Variants in TMEM132B observed in about 807,000 individuals in gnomAD.
TMEM132B encodes transmembrane protein 132B.
TMEM132B carries 18 observed loss-of-function variants against 90.8 expected under a neutral mutation model. That is an observed-to-expected ratio of 0.20 (90% CI 0.14 to 0.29). The LOEUF (loss-of-function observed/expected upper bound fraction) is 0.29. Among genes scored for constraint, TMEM132B ranks in the 10% least tolerant of loss-of-function variants. The probability of loss-of-function intolerance (pLI) is 1.00; values close to 1 mark genes in which losing one functional copy is unlikely to be tolerated. For synonymous variants in TMEM132B, 504 were observed against 523.3 expected (o/e 0.96, Z 0.50); for missense variants, 1,096 against 1,326.8 (o/e 0.83, Z 2.70).
intron 2 of TMEM132B, among the ~76,000 whole-genome samples, chr12:125,362,914 A>G (rs1156254177): frequency 6.6e-6 from 1 of 152,184 alleles, no homozygotes; most frequent in Non-Finnish European, 1.5e-5. Context: ...CCTAAAGAGC[A>G]CTTTCTCATG....
chr12:125,228,944 ATCT>A lies in TMEM132B; in HGVS notation c.67+42086_67+42088del, dbSNP rs145865806. ...TAAGAGAGGAGTGTAGGAGGAGAAA[ATCT>A]TCTTCTTTTCCCATCTTTCCTGCCT... On this transcript the variant is annotated intron_variant, in intron 1 of 8. Transcript: ENST00000682704. Among the ~76,000 whole-genome samples, 405 of 152,140 alleles carry A rather than the reference ATCT, an allele frequency of 2.7e-3. 3 individuals are homozygous for A. Among genetic ancestry groups the A allele is most frequent in the African/African-American group, 8.5e-3 (351 of 41,506 alleles).
intron 1 of TMEM132B, among the ~76,000 whole-genome samples, chr12:125,291,748 G>A (rs571082036): frequency 1.8e-4 from 27 of 152,098 alleles, no homozygotes; most frequent in Non-Finnish European, 3.4e-4. Context: ...GGAACCATGA[G>A]ACATATTTGC....
chr12:125,414,983 C>T (rs112132513), intron 2 of TMEM132B, among the ~76,000 whole-genome samples: 2,801 of 152,216 alleles, frequency 0.018, 90 homozygotes, highest in African/African-American at 0.063. Context: ...AACATTGTAC[C>T]AGGCAGCATC....
intron 1 of TMEM132B, among the ~76,000 whole-genome samples, chr12:125,344,660 A>C (rs1203015927): frequency 2.0e-5 from 3 of 152,106 alleles, no homozygotes; most frequent in African/African-American, 4.8e-5. Context: ...ACACACGTGG[A>C]AGGAGAGAGC....
Position 125,270,163 on chromosome 12 carries a change from G to A in TMEM132B, c.68-79289G>A, listed in dbSNP as rs570786471. Among the ~76,000 whole-genome samples the A allele has an allele frequency of 1.4e-4, 18 of 128,370 alleles. No individual in the cohort carries two copies. In the East Asian group the frequency reaches 3.7e-3, roughly 26 times the overall value. 84.2% of individuals were successfully genotyped at this position (128,370 alleles called of 152,430 possible). On this transcript the variant is annotated intron_variant, in intron 1 of 8. Coordinates refer to ENST00000682704, the MANE Select transcript of TMEM132B (RefSeq NM_001366854.1). Reference sequence around the variant, plus strand: ...GTGTGTGTGTGTTTTAAGAGACGAGGTCTTGCTCTGTAACCCAGACTGGAG... The same window carrying A: ...GTGTGTGTGTGTTTTAAGAGACGAGATCTTGCTCTGTAACCCAGACTGGAG...
chr12:125,487,681 A>C (rs1342917991), intron 3 of TMEM132B, among the ~76,000 whole-genome samples: 9 of 152,234 alleles, frequency 5.9e-5, no homozygotes, highest in Non-Finnish European at 1.3e-4. Context: ...CATGGCTTTA[A>C]GAGAGGCTTG....
chr12:125,365,740 AATTAT>A (rs1303828726), intron 2 of TMEM132B, among the ~76,000 whole-genome samples: 3 of 152,112 alleles, frequency 2.0e-5, no homozygotes, highest in East Asian at 3.9e-4. Flanking sequence ...TTGATTTAAA[AATTAT>A]ATTATAGTTG....
At chr12:125,188,770 A>C (rs1957776217) in intron 1 of TMEM132B, among the ~76,000 whole-genome samples, 1 of 146,940 alleles carries the variant, frequency 6.8e-6, no homozygotes. Context: ...AAGCACATGC[A>C]AGTCTTTAAC....
intron 1 of TMEM132B, among the ~76,000 whole-genome samples, chr12:125,340,185 T>C (rs1593093288): frequency 6.6e-6 from 1 of 152,028 alleles, no homozygotes; most frequent in Non-Finnish European, 1.5e-5. Flanking sequence ...ATACCAGAAA[T>C]GAATGAAAAG....
At chr12:125,310,732 C>A (rs1044698707) in intron 1 of TMEM132B, among the ~76,000 whole-genome samples, 1 of 152,156 alleles carries the variant, frequency 6.6e-6, no homozygotes, top group Non-Finnish European at 1.5e-5. Context: ...GACCTCCCCC[C>A]CAACAACACC....
chr12:125,368,890 A>G (rs1212651141), intron 2 of TMEM132B, among the ~76,000 whole-genome samples: 1 of 152,168 alleles, frequency 6.6e-6, no homozygotes, highest in African/African-American at 2.4e-5. Context: ...TTTAAATTAT[A>G]CTTTAAGTTC....
chr12:125,294,360 G>A (rs1875615983), intron 1 of TMEM132B, among the ~76,000 whole-genome samples: 1 of 152,242 alleles, frequency 6.6e-6, no homozygotes, highest in Non-Finnish European at 1.5e-5. Flanking sequence ...AGTTACTCAT[G>A]CACTGTTGGA....
Position 125,519,544 on chromosome 12 carries a change from T to C in TMEM132B, c.1212T>C (p.Ile404=), listed in dbSNP as rs1450542038. The change falls in exon 4 of 9, where the codon ATT becomes ATC. Residue 404 remains isoleucine, a synonymous_variant. Transcript: ENST00000682704. ...TTACCTGGCAGGTGGAGTACCCGAT[T>C]GAGGACTCCATGAGTGAGCTGGTCG... is the stretch of plus-strand genomic sequence containing the variant. ...QQITWQVEYP[I]EDSMSELVVS... The C allele has an allele frequency of 1.2e-6, 2 of 1,614,088 alleles. No individual in the cohort carries two copies. Among genetic ancestry groups the C allele is most frequent in the East Asian group, 4.5e-5 (2 of 44,862 alleles).
At chr12:125,391,051 G>T (rs922508096) in intron 2 of TMEM132B, among the ~76,000 whole-genome samples, 2 of 151,096 alleles carry the variant, frequency 1.3e-5, no homozygotes, top group African/African-American at 4.9e-5. Context: ...GTGTGTGTGT[G>T]TGTGTGTGTG....
At chr12:125,565,862 G>A (rs1336909385) in intron 4 of TMEM132B, among the ~76,000 whole-genome samples, 1 of 152,202 alleles carries the variant, frequency 6.6e-6, no homozygotes, top group East Asian at 1.9e-4. Context: ...TGTGAAAAAA[G>A]GAATGCCTGT....
intron 3 of TMEM132B, among the ~76,000 whole-genome samples, chr12:125,474,760 G>A (rs1410335283): frequency 6.6e-6 from 1 of 152,174 alleles, no homozygotes; most frequent in African/African-American, 2.4e-5. Flanking sequence ...GATCCAGGGG[G>A]ACCTGACCTG....
intron 1 of TMEM132B, among the ~76,000 whole-genome samples, chr12:125,242,810 C>T (rs1874103804): frequency 6.6e-6 from 1 of 152,214 alleles, no homozygotes; most frequent in African/African-American, 2.4e-5. Context: ...CCCACTGCTC[C>T]ATCCTGTTAG....
At position 125,494,208 on chromosome 12, in the gene TMEM132B, C is replaced by T. The variant is rs373647127; in HGVS notation, c.1107-25231C>T. The stretch of plus-strand genomic sequence containing the variant: ...TCCCCCTCCTCCCTGGAAATGGATG[C>T]GTCCCCTCCTCTCCCTCCTCCCTGG... On this transcript the variant is annotated intron_variant, in intron 3 of 8. Coordinates refer to ENST00000682704, the MANE Select transcript of TMEM132B (RefSeq NM_001366854.1). Among the ~76,000 whole-genome samples the T allele has an allele frequency of 1.5e-3, 164 of 107,728 alleles. 1 individual carries two copies. The highest frequency in any genetic ancestry group is 5.2e-3 in the African/African-American group (143 of 27,426). The allele number at this position is 107,728 out of a possible 152,430, so 70.7% of individuals were successfully genotyped here.
chr12:125,333,668 G>A (rs759158831), intron 1 of TMEM132B, among the ~76,000 whole-genome samples: 1 of 152,188 alleles, frequency 6.6e-6, no homozygotes, highest in African/African-American at 2.4e-5. Flanking sequence ...AAAGAGAGCA[G>A]CAGTGACCCT....
Sources: gnomAD v4.1 joint callset for allele counts (sites outside exome capture counted in the v4.1 genomes callset) on GRCh38, gnomAD v4.1.1 for gene constraint, MANE v1.5 for transcripts, NCBI Gene and HGNC (gene_info 2026-07-23, HGNC 2026-07-21) for gene names.